GSE1: variants seen among roughly 807,000 people sequenced by gnomAD.
GSE1 encodes Gse1 coiled-coil protein.
In GSE1, 32 loss-of-function variants were observed where a neutral mutation model predicts 112.6. The observed-to-expected ratio is 0.28, with a 90% CI of 0.21 to 0.38. The LOEUF is 0.38. Ranked by LOEUF, GSE1 falls within the 10% of genes least tolerant of loss-of-function variation. The pLI is 1.00. For missense variants in GSE1, 2,348 were observed against 1,699.2 expected (o/e 1.38, Z -6.71); for synonymous variants, 1,115 against 735.6 (o/e 1.52, Z -8.35).
intron 2 of GSE1, among the ~76,000 whole-genome samples, chr16:85,430,239 A>G (rs1403984314): frequency 6.6e-6 from 1 of 152,234 alleles, no homozygotes; most frequent in Non-Finnish European, 1.5e-5. Context: ...GGAAACAGAT[A>G]GAATGCAGTG....
chr16:85,669,391 AGT>A lies in GSE1; in HGVS notation c.3415+968_3415+969del, dbSNP rs2053143827. ...GTCAGCCACTTCAAATACTTAGAAA[AGT>A]AGTTTTTTTCTTTTTTCTCCTGGTA... is the stretch of plus-strand genomic sequence containing the variant. On this transcript the variant is annotated intron_variant, in intron 14 of 15. Coordinates refer to ENST00000253458, the MANE Select transcript of GSE1 (RefSeq NM_014615.5). Among the ~76,000 whole-genome samples the A allele has an allele frequency of 2.6e-5, 4 of 151,798 alleles. No individual in the cohort carries two copies. The South Asian group carries it at 8.5e-4, about 32-fold the overall frequency.
intron 2 of GSE1, chr16:85,359,251 A>G: frequency 2.7e-6 from 1 of 375,840 alleles, no homozygotes; most frequent in Non-Finnish European, 5.4e-6. Flanking sequence ...CTGTTTGGCG[A>G]TGCGTCCTCC....
In GSE1 at chr16:85,237,560, T is replaced by C. The variant is rs545556457; in HGVS notation, c.2283+65753T>C. On this transcript the variant is annotated intron_variant, in intron 1 of 2. Transcript: ENST00000637419. The stretch of plus-strand genomic sequence containing the variant: ...GCCACTGAAAGTGAGTGAATGAGGC[T>C]GGGCACGGTGGCTCACACCTGTAAT... 3.3e-5 allele frequency among the ~76,000 whole-genome samples: 5 copies of C among 151,924 alleles called. No homozygotes were observed. In the South Asian group the frequency reaches 1.0e-3, roughly 32 times the overall value.
At chr16:85,395,963 C>T (rs7200012) in intron 2 of GSE1, among the ~76,000 whole-genome samples, 3,294 of 152,336 alleles carry the variant, frequency 0.022, 130 homozygotes, top group African/African-American at 0.074. Flanking sequence ...CCCTGTCCCC[C>T]GGCTGGTATG....
chr16:85,546,983 G>A (rs1039318251), intron 2 of GSE1, among the ~76,000 whole-genome samples: 3 of 152,232 alleles, frequency 2.0e-5, no homozygotes, highest in African/African-American at 4.8e-5. Flanking sequence ...TGTGTGTCAC[G>A]AGGGAGTGAG....
At chr16:85,348,927 C>T (rs1272220352) in intron 1 of GSE1, among the ~76,000 whole-genome samples, 1 of 151,950 alleles carries the variant, frequency 6.6e-6, no homozygotes, top group African/African-American at 2.4e-5. Flanking sequence ...CCAGCTGCGG[C>T]GCCCTGCCCG....
intron 1 of GSE1, among the ~76,000 whole-genome samples, chr16:85,579,429 T>A (rs2046358502): frequency 6.6e-6 from 1 of 152,210 alleles, no homozygotes; most frequent in Admixed American, 6.5e-5. Flanking sequence ...TATTGTAAAT[T>A]TCCGCAGAGT....
chr16:85,337,442 A>T (rs1399429229), intron 1 of GSE1, among the ~76,000 whole-genome samples: 1 of 151,354 alleles, frequency 6.6e-6, no homozygotes, highest in Non-Finnish European at 1.5e-5. Flanking sequence ...AGTAGCTGGG[A>T]CTACAGGCGC....
At chr16:85,305,220 G>A (rs2045644310) in intron 1 of GSE1, among the ~76,000 whole-genome samples, 1 of 152,228 alleles carries the variant, frequency 6.6e-6, no homozygotes, top group Non-Finnish European at 1.5e-5. Flanking sequence ...AAATACTGAT[G>A]TCCTGGCCTC....
intron 2 of GSE1, among the ~76,000 whole-genome samples, chr16:85,445,045 C>T (rs989735687): frequency 6.6e-6 from 1 of 152,194 alleles, no homozygotes; most frequent in African/African-American, 2.4e-5. Context: ...GGCAGGGGAG[C>T]GGGGGCTGTC....
At chr16:85,545,215 T>C (rs1225844621) in intron 2 of GSE1, among the ~76,000 whole-genome samples, 2 of 152,226 alleles carry the variant, frequency 1.3e-5, no homozygotes, top group Non-Finnish European at 2.9e-5. Flanking sequence ...ACACAGTCGC[T>C]GTCTGATTTC....
intron 1 of GSE1, among the ~76,000 whole-genome samples, chr16:85,614,540 A>T (rs1157050365): frequency 6.6e-6 from 1 of 151,842 alleles, no homozygotes; most frequent in Non-Finnish European, 1.5e-5. Flanking sequence ...ACACCGCGAC[A>T]CCCTCATTAG....
chr16:85,354,045 C>T (rs922547997), intron 1 of GSE1, among the ~76,000 whole-genome samples: 5 of 152,232 alleles, frequency 3.3e-5, no homozygotes, highest in Non-Finnish European at 7.3e-5. Flanking sequence ...TTCCCACTCC[C>T]TTTCAAATCC....
intron 1 of GSE1, among the ~76,000 whole-genome samples, chr16:85,620,911 G>A (rs1322310974): frequency 6.6e-6 from 1 of 152,120 alleles, no homozygotes; most frequent in East Asian, 1.9e-4. Flanking sequence ...TCTCTGCTCT[G>A]TTGGGGAAGC....
chr16:85,635,445 C>G (rs933355337), intron 2 of GSE1, among the ~76,000 whole-genome samples: 4 of 152,214 alleles, frequency 2.6e-5, no homozygotes, highest in Non-Finnish European at 4.4e-5. Flanking sequence ...AGAGGCCGGA[C>G]AGCTGCAGGC....
intron 1 of GSE1, among the ~76,000 whole-genome samples, chr16:85,320,374 G>T (rs531468650): frequency 6.6e-6 from 1 of 152,234 alleles, no homozygotes; most frequent in African/African-American, 2.4e-5. Context: ...CAGACGCCCA[G>T]TTTTCACCTG....
chr16:85,606,216 C>T (rs1214650162), intron 1 of GSE1, among the ~76,000 whole-genome samples: 3 of 152,200 alleles, frequency 2.0e-5, no homozygotes, highest in South Asian at 2.1e-4. Context: ...CATGCTCTCC[C>T]GGCTTTACAT....
chr16:85,556,749 GCCCC>G (rs71153803), intron 1 of GSE1, among the ~76,000 whole-genome samples: 1 of 84,280 alleles, frequency 1.2e-5, no homozygotes, highest in African/African-American at 5.2e-5. Context: ...CGGGTAGCAT[GCCCC>G]CCCCCCCCCC....
intron 1 of GSE1, among the ~76,000 whole-genome samples, chr16:85,568,290 G>T (rs937876358): frequency 6.6e-6 from 1 of 152,206 alleles, no homozygotes; most frequent in Non-Finnish European, 1.5e-5. Flanking sequence ...GTGCCCTGGT[G>T]GGGAGGCTGG....
Sources: allele counts gnomAD v4.1 joint callset (sites outside exome capture counted in the v4.1 genomes callset), GRCh38; gene constraint gnomAD v4.1.1; transcripts MANE v1.5; gene names NCBI Gene and HGNC (gene_info 2026-07-23, HGNC 2026-07-21).